CHRM3: variants seen among roughly 807,000 people sequenced by gnomAD.
CHRM3 encodes the protein cholinergic receptor muscarinic 3.
A neutral mutation model predicts 41.8 loss-of-function variants in CHRM3; 11 were observed. The ratio of observed to expected loss-of-function variants is 0.26; its 90% CI spans 0.17 to 0.44. CHRM3 has a LOEUF of 0.44. CHRM3 is among the 20% of genes least tolerant of loss of function. The pLI is 1.00. For missense variants in CHRM3, 571 were observed against 745.4 expected (o/e 0.77, Z 2.72); for synonymous variants, 297 against 301.4 (o/e 0.99, Z 0.15).
intron 6 of CHRM3, among the ~76,000 whole-genome samples, chr1:239,838,367 A>G (rs543882937): frequency 4.6e-5 from 7 of 152,156 alleles, no homozygotes; most frequent in Non-Finnish European, 1.5e-5. Context: ...GTGGTTAAAG[A>G]TGCCATCCTA....
intron 1 of CHRM3, among the ~76,000 whole-genome samples, chr1:239,435,068 G>A (rs1306714957): frequency 6.6e-6 from 1 of 151,998 alleles, no homozygotes; most frequent in African/African-American, 2.4e-5. Context: ...GTAAAATGTA[G>A]CAGTAAAGAA....
intron 2 of CHRM3, among the ~76,000 whole-genome samples, chr1:239,513,255 A>AT (rs1221533701): frequency 6.6e-5 from 10 of 152,216 alleles, no homozygotes; most frequent in Non-Finnish European, 1.3e-4. Context: ...TTAAATTAGC[A>AT]TAAATCTGCC....
chr1:239,538,511 T>C (rs575509834), intron 2 of CHRM3, among the ~76,000 whole-genome samples: 16 of 152,316 alleles, frequency 1.1e-4, no homozygotes, highest in South Asian at 1.0e-3. Context: ...TTAGATCATG[T>C]TGGAAGTAGA....
chr1:239,848,773 G>A (rs1162885775), intron 6 of CHRM3, among the ~76,000 whole-genome samples: 2 of 152,150 alleles, frequency 1.3e-5, no homozygotes, highest in East Asian at 3.9e-4. Context: ...GTTCATGTAT[G>A]ACAAAACACA....
Position 239,768,225 on chromosome 1 carries a change from G to A in CHRM3, c.-146-59027G>A, listed in dbSNP as rs147576407. 3.7e-3 allele frequency among the ~76,000 whole-genome samples: 557 copies of A among 152,294 alleles called. 10 individuals carry two copies. Among genetic ancestry groups the A allele is most frequent in the Admixed American group, 0.033 (501 of 15,290 alleles). On this transcript the variant is annotated intron_variant, in intron 5 of 6. Transcript: ENST00000676153. ...CAATTTTTCAGATCTATTTGGTAACGTAAATTCTTTCTCCTAAAGCATATC... is the reference window on the plus strand; with the variant it reads ...CAATTTTTCAGATCTATTTGGTAACATAAATTCTTTCTCCTAAAGCATATC...
chr1:239,424,662 C>T (rs1326720035), intron 1 of CHRM3, among the ~76,000 whole-genome samples: 5 of 152,142 alleles, frequency 3.3e-5, no homozygotes. Context: ...GACTTGGTCA[C>T]AGAAGACAGA....
intron 1 of CHRM3, among the ~76,000 whole-genome samples, chr1:239,461,807 C>T (rs898512808): frequency 6.6e-6 from 1 of 152,084 alleles, no homozygotes; most frequent in African/African-American, 2.4e-5. Context: ...CATATTCCAT[C>T]TCCTCCTGTC....
intron 3 of CHRM3, among the ~76,000 whole-genome samples, chr1:239,575,191 T>A (rs765600866): frequency 1.3e-5 from 2 of 152,190 alleles, no homozygotes; most frequent in Non-Finnish European, 2.9e-5. Flanking sequence ...GGTAAGTTTC[T>A]CTTTTTGTAA....
intron 2 of CHRM3, among the ~76,000 whole-genome samples, chr1:239,499,056 T>G (rs1231121173): frequency 6.6e-6 from 1 of 152,210 alleles, no homozygotes; most frequent in African/African-American, 2.4e-5. Flanking sequence ...TGAGAACTGT[T>G]TGAATTGAAT....
chr1:239,900,244 G>T (rs1428036174), intron 6 of CHRM3, among the ~76,000 whole-genome samples: 1 of 150,836 alleles, frequency 6.6e-6, no homozygotes, highest in Non-Finnish European at 1.5e-5. Flanking sequence ...TTAGCCCGGG[G>T]TTATCACTGC....
intron 5 of CHRM3, among the ~76,000 whole-genome samples, chr1:239,729,281 G>A (rs1257049251): frequency 6.6e-6 from 1 of 151,788 alleles, no homozygotes; most frequent in Non-Finnish European, 1.5e-5. Flanking sequence ...TGTGTGCACA[G>A]TGTGATGTAC....
Position 239,884,400 on chromosome 1 carries a change from C to T in CHRM3, c.-19-23033C>T, listed in dbSNP as rs539134964. 7.9e-5 allele frequency among the ~76,000 whole-genome samples: 12 copies of T among 152,320 alleles called. No homozygotes were observed. In the South Asian group the frequency reaches 2.5e-3, roughly 32 times the overall value. On this transcript the variant is annotated intron_variant, in intron 6 of 6. Transcript: ENST00000676153. Reference sequence around the variant, plus strand: ...GGAAGGGACAAGGAAAGGATTCTCTCCTAGAGCCTCTGGAGGGAGTGTGGC... The same window carrying T: ...GGAAGGGACAAGGAAAGGATTCTCTTCTAGAGCCTCTGGAGGGAGTGTGGC...
In CHRM3 at chr1:239,824,845, C is replaced by T. The variant is rs150767176; in HGVS notation, c.-146-2407C>T. Among the ~76,000 whole-genome samples the T allele has an allele frequency of 2.3e-3, 357 of 152,318 alleles. 2 individuals are homozygous for T. Among genetic ancestry groups the T allele is most frequent in the African/African-American group, 8.2e-3 (339 of 41,570 alleles). ...TAGTGGCTCTGCCTGAAAGATTCTGCCTCCTTAAAGTATTTCAGATCCAAT... is the reference window on the plus strand; with the variant it reads ...TAGTGGCTCTGCCTGAAAGATTCTGTCTCCTTAAAGTATTTCAGATCCAAT... On this transcript the variant is annotated intron_variant, in intron 5 of 6. Coordinates refer to ENST00000676153, the MANE Select transcript of CHRM3 (RefSeq NM_001375978.1).
At chr1:239,758,490 GC>G (rs1430640928) in intron 5 of CHRM3, among the ~76,000 whole-genome samples, 1 of 152,136 alleles carries the variant, frequency 6.6e-6, no homozygotes, top group Non-Finnish European at 1.5e-5. Context: ...AAAATGGTTG[GC>G]AATTGCTTAT....
chr1:239,548,261 A>C (rs1323079024), intron 3 of CHRM3, among the ~76,000 whole-genome samples: 1 of 152,174 alleles, frequency 6.6e-6, no homozygotes, highest in African/African-American at 2.4e-5. Flanking sequence ...AGTCAAGAGC[A>C]TGAGCCCATG....
rs71168854 is a variant in CHRM3, at chr1:239,829,404, AT to A, written c.-20+2037del. ...TTCAATTGACTGCAAGGACTGAATGATTTTTTTTTTTGAAAAAGAAAAGAAA... is the reference window on the plus strand; with the variant it reads ...TTCAATTGACTGCAAGGACTGAATGATTTTTTTTTTGAAAAAGAAAAGAAA... On this transcript the variant is annotated intron_variant, in intron 6 of 6. Transcript: ENST00000676153. Among the ~76,000 whole-genome samples the A allele has an allele frequency of 7.0e-4, 105 of 149,228 alleles. 3 individuals are homozygous for A. Among genetic ancestry groups the A allele is most frequent in the African/African-American group, 1.9e-3 (77 of 40,466 alleles).
chr1:239,763,291 A>G (rs1269443001), intron 5 of CHRM3, among the ~76,000 whole-genome samples: 1 of 152,230 alleles, frequency 6.6e-6, no homozygotes, highest in Non-Finnish European at 1.5e-5. Context: ...TAGATTTTCA[A>G]TGCATGCTTT....
At chr1:239,889,314 TAGC>T (rs371515129) in intron 6 of CHRM3, among the ~76,000 whole-genome samples, 213 of 152,292 alleles carry the variant, frequency 1.4e-3, no homozygotes, top group Middle Eastern at 6.8e-3. Flanking sequence ...CAATTTCTGG[TAGC>T]CCCCCCTCTA....
At chr1:239,419,021 T>C (rs1019500498) in intron 1 of CHRM3, among the ~76,000 whole-genome samples, 1 of 152,106 alleles carries the variant, frequency 6.6e-6, no homozygotes. Flanking sequence ...TGTTTCTAGA[T>C]GAGGATGTGC....
Sources: gnomAD v4.1 joint callset for allele counts (sites outside exome capture counted in the v4.1 genomes callset) on GRCh38, gnomAD v4.1.1 for gene constraint, MANE v1.5 for transcripts, NCBI Gene and HGNC (gene_info 2026-07-23, HGNC 2026-07-21) for gene names.